The following RBFOX1 variants were observed in gnomAD, a reference collection of about 807,000 sequenced individuals.
RBFOX1 encodes the protein RNA binding fox-1 homolog 1.
RBFOX1 carries 8 observed loss-of-function variants against 57.7 expected under a neutral mutation model. That is an observed-to-expected ratio of 0.14 (90% CI 0.08 to 0.25). RBFOX1 has a LOEUF of 0.25. Ranked by LOEUF, RBFOX1 falls within the 10% of genes least tolerant of loss-of-function variation. The pLI is 1.00. For missense variants in RBFOX1, 611 were observed against 548.5 expected, an observed-to-expected ratio of 1.11 and a Z score of -1.14; for synonymous variants, 326 against 222.4, an observed-to-expected ratio of 1.47 and a Z score of -4.15.
chr16:6,822,997 A>G (rs2091562316), intron 3 of RBFOX1, among the ~76,000 whole-genome samples: 1 of 152,164 alleles, frequency 6.6e-6, no homozygotes, highest in South Asian at 2.1e-4. Context: ...CAACGTGTAG[A>G]TACTTTGCTT....
At chr16:5,377,952 A>G (rs1178882322) in intron 1 of RBFOX1, among the ~76,000 whole-genome samples, 1 of 151,422 alleles carries the variant, frequency 6.6e-6, no homozygotes, top group African/African-American at 2.5e-5. Flanking sequence ...TATTCAGGTA[A>G]TTTTCTTTTC....
chr16:6,937,996 GC>G (rs2077664818), intron 3 of RBFOX1, among the ~76,000 whole-genome samples: 1 of 90,446 alleles, frequency 1.1e-5, no homozygotes, highest in African/African-American at 4.4e-5. Context: ...TGGGGGGTGG[GC>G]TTACAATTTT....
At chr16:5,796,632 T>C (rs1265366288) in intron 3 of RBFOX1, among the ~76,000 whole-genome samples, 1 of 152,192 alleles carries the variant, frequency 6.6e-6, no homozygotes, top group East Asian at 1.9e-4. Context: ...TAGGCTCCAC[T>C]TACGGTGCTG....
intron 3 of RBFOX1, among the ~76,000 whole-genome samples, chr16:6,776,309 G>C (rs899808365): frequency 2.6e-5 from 4 of 152,114 alleles, no homozygotes; most frequent in Admixed American, 6.6e-5. Context: ...TACTCGGGGG[G>C]CTGAGGCAGG....
intron 4 of RBFOX1, among the ~76,000 whole-genome samples, chr16:5,918,572 C>T (rs1173060017): frequency 1.3e-5 from 2 of 152,204 alleles, no homozygotes; most frequent in Non-Finnish European, 2.9e-5. Context: ...CTATCTATAA[C>T]AAAATTAGTC....
intron 1 of RBFOX1, chr16:5,467,192 C>T (rs1263553781): frequency 6.8e-7 from 1 of 1,463,836 alleles, no homozygotes; most frequent in Non-Finnish European, 9.2e-7. Context: ...CTCTCTCTCT[C>T]TCTCTTTTTT....
rs551594049 is a variant in RBFOX1, at chr16:5,951,665, G to A, written c.351+84330G>A. Among the ~76,000 whole-genome samples the A allele has an allele frequency of 4.6e-5, 7 of 152,142 alleles. No individual in the cohort carries two copies. In the East Asian group the frequency reaches 1.2e-3, roughly 25 times the overall value. ...CAGCAGAAACAGTCCCTGCACTGCT[G>A]AGTCTCCCCTATGACCGTCCCCTGA... On this transcript the variant is annotated intron_variant, in intron 4 of 19. Coordinates refer to the RBFOX1 transcript ENST00000641259.
chr16:6,975,610 G>C (rs994675750), intron 3 of RBFOX1, among the ~76,000 whole-genome samples: 9 of 152,168 alleles, frequency 5.9e-5, no homozygotes, highest in African/African-American at 1.2e-4. Flanking sequence ...AAATTGATCA[G>C]GTGTGTTTTT....
intron 3 of RBFOX1, among the ~76,000 whole-genome samples, chr16:5,728,123 A>G (rs1194171377): frequency 6.6e-6 from 1 of 152,266 alleles, no homozygotes; most frequent in Non-Finnish European, 1.5e-5. Flanking sequence ...CAAAAGAAAT[A>G]AAATCACAAT....
chr16:6,300,681 G>A (rs1346533574), intron 1 of RBFOX1, among the ~76,000 whole-genome samples: 1 of 152,038 alleles, frequency 6.6e-6, no homozygotes, highest in Non-Finnish European at 1.5e-5. Flanking sequence ...CCCTCATATG[G>A]CATGGGGCTT....
At chr16:5,331,168 G>T (rs996924194) in intron 1 of RBFOX1, among the ~76,000 whole-genome samples, 1 of 152,170 alleles carries the variant, frequency 6.6e-6, no homozygotes, top group African/African-American at 2.4e-5. Context: ...CCTCCGGATA[G>T]GGTAAGCCTG....
At chr16:6,619,718 C>G (rs1002087602) in intron 2 of RBFOX1, among the ~76,000 whole-genome samples, 1 of 98,072 alleles carries the variant, frequency 1.0e-5, no homozygotes, top group Admixed American at 1.1e-4. Flanking sequence ...TAATAACTTT[C>G]ATTTTAAACT....
intron 1 of RBFOX1, chr16:5,366,379 A>C (rs2065716158): frequency 2.5e-6 from 1 of 398,112 alleles, no homozygotes; most frequent in Non-Finnish European, 4.8e-6. Flanking sequence ...GAAAAGTACC[A>C]GTGAAGAAAT....
At chr16:6,493,511 G>A (rs576032195) in intron 2 of RBFOX1, among the ~76,000 whole-genome samples, 33 of 152,104 alleles carry the variant, frequency 2.2e-4, no homozygotes, top group African/African-American at 7.7e-4. Flanking sequence ...ATTCATCTGT[G>A]GGTCATTTCA....
At chr16:7,699,660 A>G (rs780520412) in intron 14 of RBFOX1, among the ~76,000 whole-genome samples, 1 of 152,232 alleles carries the variant, frequency 6.6e-6, no homozygotes, top group Non-Finnish European at 1.5e-5. Context: ...GATGTAAAAT[A>G]TATCAATAAT....
intron 1 of RBFOX1, among the ~76,000 whole-genome samples, chr16:6,232,622 T>A (rs62015085): frequency 6.6e-6 from 1 of 152,080 alleles, no homozygotes; most frequent in Admixed American, 6.5e-5. Flanking sequence ...ATTTCTATAG[T>A]GTGAGCTTTA....
At chr16:6,466,144 G>A (rs547931691) in intron 2 of RBFOX1, among the ~76,000 whole-genome samples, 251 of 151,276 alleles carry the variant, frequency 1.7e-3, no homozygotes, top group Admixed American at 4.9e-3. Context: ...CAGAAGAATC[G>A]CTTGAACCCG....
chr16:6,448,096 T>C (rs1015127131), intron 2 of RBFOX1, among the ~76,000 whole-genome samples: 1 of 152,020 alleles, frequency 6.6e-6, no homozygotes, highest in African/African-American at 2.4e-5. Flanking sequence ...TTTGTTCGTT[T>C]GGTTTTTTTA....
At chr16:7,646,256 A>G (rs906372479) in intron 11 of RBFOX1, among the ~76,000 whole-genome samples, 1 of 152,180 alleles carries the variant, frequency 6.6e-6, no homozygotes, top group Non-Finnish European at 1.5e-5. Flanking sequence ...TTGCTGCTCT[A>G]TGAGCTATGG....
Sources: allele counts gnomAD v4.1 joint callset (sites outside exome capture counted in the v4.1 genomes callset), GRCh38; gene constraint gnomAD v4.1.1; transcripts MANE v1.5; gene names NCBI Gene and HGNC (gene_info 2026-07-23, HGNC 2026-07-21).